ATP10B: variants seen among roughly 807,000 people sequenced by gnomAD.
The protein encoded by ATP10B is phospholipid-transporting ATPase VB.
ATP10B carries 122 observed loss-of-function variants against 141.2 expected under a neutral mutation model. The ratio of observed to expected loss-of-function variants is 0.86; its 90% CI spans 0.75 to 1.00. The LOEUF (loss-of-function observed/expected upper bound fraction) is 1.00, where lower values mean the gene tolerates loss of function less well. Ranked by LOEUF, ATP10B falls within the 50% of genes least tolerant of loss-of-function variation. The pLI is 0.00. For synonymous variants in ATP10B, 685 were observed against 692.0 expected (o/e 0.99, Z 0.16); for missense variants, 1,876 against 1,825.3 (o/e 1.03, Z -0.51).
chr5:160,717,471 C>T (rs962541375), intron 2 of ATP10B, among the ~76,000 whole-genome samples: 1 of 152,172 alleles, frequency 6.6e-6, no homozygotes, highest in African/African-American at 2.4e-5. Context: ...CTGAGAACTG[C>T]CTTCCCTGCT....
chr5:160,644,336 C>G, intron 8 of ATP10B, 92 bp from the exon 9 acceptor site: 1 of 835,002 alleles, frequency 1.2e-6, no homozygotes, highest in African/African-American at 1.7e-5. Flanking sequence ...GGTGAGTGAA[C>G]ATGATCCCTC....
the ATP10B span, among the ~76,000 whole-genome samples, chr5:160,869,670 C>G: frequency 3.3e-5 from 5 of 152,040 alleles, no homozygotes; most frequent in African/African-American, 7.2e-5. Context: ...CAAACCATTG[C>G]CCCCAAGATT....
intron 25 of ATP10B, among the ~76,000 whole-genome samples, chr5:160,567,102 A>G (rs181698956): frequency 6.6e-6 from 1 of 152,212 alleles, no homozygotes; most frequent in East Asian, 1.9e-4. Context: ...CAAAACTGGA[A>G]TTTCCTTAGT....
chr5:160,741,349 G>A, intron 2 of ATP10B, among the ~76,000 whole-genome samples: 1 of 152,226 alleles, frequency 6.6e-6, no homozygotes, highest in Non-Finnish European at 1.5e-5. Flanking sequence ...TCTCTATGAA[G>A]TCCAAAAGGA....
At chr5:160,851,898 A>T (rs1196746650) in intron 1 of ATP10B, 43 bp downstream of exon 1, 1 of 152,038 alleles carries the variant, frequency 6.6e-6, no homozygotes, top group East Asian at 1.9e-4. Flanking sequence ...AGAGGCAATT[A>T]CTCCCCCATT....
intron 2 of ATP10B, among the ~76,000 whole-genome samples, chr5:160,746,348 C>T (rs1026518962): frequency 1.3e-5 from 2 of 151,730 alleles, no homozygotes; most frequent in African/African-American, 4.8e-5. Context: ...GATCCACTTA[C>T]ATAATGTTCA....
intron 7 of ATP10B, among the ~76,000 whole-genome samples, chr5:160,663,533 G>C (rs374176149): frequency 1.2e-4 from 18 of 152,082 alleles, no homozygotes; most frequent in African/African-American, 3.6e-4. Context: ...GCAAACTATC[G>C]CAAGGACAAA....
intron 1 of ATP10B, among the ~76,000 whole-genome samples, chr5:160,831,621 C>T (rs1561904926): frequency 1.3e-5 from 2 of 152,014 alleles, no homozygotes; most frequent in Non-Finnish European, 2.9e-5. Flanking sequence ...AGTTTGTAAA[C>T]AATTCTAACA....
chr5:160,608,467 A>T (rs1288988941), intron 18 of ATP10B, among the ~76,000 whole-genome samples: 1 of 152,128 alleles, frequency 6.6e-6, no homozygotes, highest in Non-Finnish European at 1.5e-5. Flanking sequence ...TCTGGGTCAA[A>T]TGGTATTTCT....
intron 7 of ATP10B, among the ~76,000 whole-genome samples, chr5:160,653,906 G>A (rs141721116): frequency 4.2e-5 from 1 of 23,784 alleles, no homozygotes; most frequent in Non-Finnish European, 6.8e-5. Flanking sequence ...TAGTATATAC[G>A]TATATACATA....
chr5:160,640,460 C>T lies in ATP10B; in HGVS notation c.1000+1G>A. Reference sequence around the variant, plus strand: ...CTTGTTCTTTCCAGAACATCCCATACCTACAGCTCCAATAAGGCACATGAG... The same window carrying T: ...CTTGTTCTTTCCAGAACATCCCATATCTACAGCTCCAATAAGGCACATGAG... On this transcript the variant is annotated splice_donor_variant, in intron 10 of 25. Coordinates refer to ENST00000327245, the MANE Select transcript of ATP10B (RefSeq NM_025153.3). LOFTEE classifies it high-confidence loss of function. The T allele has an allele frequency of 1.2e-6, 2 of 1,613,822 alleles. No homozygotes were observed. The highest frequency in any genetic ancestry group is 1.7e-6 in the Non-Finnish European group (2 of 1,179,812).
chr5:160,848,268 A>T (rs1346755545), intron 1 of ATP10B, among the ~76,000 whole-genome samples: 1 of 152,206 alleles, frequency 6.6e-6, no homozygotes, highest in Non-Finnish European at 1.5e-5. Context: ...GAGAATAAGG[A>T]TGTAGCAAGT....
the ATP10B span, among the ~76,000 whole-genome samples, chr5:160,923,871 G>C: frequency 1.3e-5 from 2 of 152,198 alleles, no homozygotes; most frequent in African/African-American, 2.4e-5. Context: ...ACTGAACAGA[G>C]AACAAGAAAG....
At chr5:160,922,501 T>G in the ATP10B span, among the ~76,000 whole-genome samples, 2 of 152,190 alleles carry the variant, frequency 1.3e-5, no homozygotes, top group Non-Finnish European at 1.5e-5. Context: ...GACACTCAGA[T>G]GGTCACCACC....
chr5:160,787,718 G>A (rs542173724), intron 1 of ATP10B, among the ~76,000 whole-genome samples: 7 of 152,214 alleles, frequency 4.6e-5, no homozygotes, highest in African/African-American at 1.7e-4. Flanking sequence ...CTAGGCACTG[G>A]AGGAGGTGTC....
chr5:160,853,373 G>A (rs4921165), upstream of ATP10B, among the ~76,000 whole-genome samples: 2 of 151,930 alleles, frequency 1.3e-5, no homozygotes, highest in Non-Finnish European at 2.9e-5. Flanking sequence ...GTAACTGGAG[G>A]TTATTTAGTG....
At chr5:160,649,300 C>G (rs757297432) in intron 7 of ATP10B, 44 bp from the exon 8 acceptor site, 41 of 1,428,906 alleles carry the variant, frequency 2.9e-5, no homozygotes, top group African/African-American at 4.2e-5. Flanking sequence ...TCAGAGGGAT[C>G]TAGTTTTAAT....
chr5:160,672,992 T>G, intron 6 of ATP10B, among the ~76,000 whole-genome samples: 1 of 152,202 alleles, frequency 6.6e-6, no homozygotes, highest in East Asian at 1.9e-4. Context: ...AGGCCAAGTC[T>G]ATAAAATAAA....
At chr5:160,569,440 C>T in intron 25 of ATP10B, 56 bp downstream of exon 25, 3 of 1,578,984 alleles carry the variant, frequency 1.9e-6, no homozygotes, top group South Asian at 2.2e-5. Context: ...ATAAAAATGG[C>T]TTATTAAAGG....
Sources: gnomAD v4.1 joint callset for allele counts (sites outside exome capture counted in the v4.1 genomes callset) on GRCh38, gnomAD v4.1.1 for gene constraint, MANE v1.5 for transcripts, NCBI Gene and HGNC (gene_info 2026-07-23, HGNC 2026-07-21) for gene names.